Variants in PTP4A1 observed in about 807,000 individuals in gnomAD.
PTP4A1 encodes the protein protein tyrosine phosphatase 4A1.
In PTP4A1, 9 loss-of-function variants were observed where a neutral mutation model predicts 20.5. The ratio of observed to expected loss-of-function variants is 0.44; its 90% CI spans 0.26 to 0.77. The LOEUF is 0.77. Among genes scored for constraint, PTP4A1 ranks in the 30% least tolerant of loss-of-function variants. The pLI is 0.19. For synonymous variants in PTP4A1, 78 were observed against 67.4 expected (o/e 1.16, Z -0.77); for missense variants, 137 against 218.8 (o/e 0.63, Z 2.36).
At chr6:63,518,154 C>CAA (rs60368385), upstream of PTP4A1, among the ~76,000 whole-genome samples, 4,684 of 62,016 alleles carry the variant, frequency 0.076, 368 homozygotes, top group African/African-American at 0.22. Flanking sequence ...ACTCCGTCTC[C>CAA]AAAAAAAAAA....
upstream of PTP4A1, chr6:63,572,370 G>A (rs1362685892): frequency 6.4e-6 from 2 of 310,594 alleles, no homozygotes; most frequent in Non-Finnish European, 5.9e-6. Context: ...GAGGGGGCGG[G>A]CCTCCGCCCC....
At chr6:63,575,956 CAG>C (rs1777832842) in intron 1 of PTP4A1, among the ~76,000 whole-genome samples, 1 of 152,012 alleles carries the variant, frequency 6.6e-6, no homozygotes, top group South Asian at 2.1e-4. Flanking sequence ...CTAATAACTT[CAG>C]AGTTATCTGG....
upstream of PTP4A1, among the ~76,000 whole-genome samples, chr6:63,520,368 T>C (rs1354592294): frequency 6.6e-6 from 1 of 152,206 alleles, no homozygotes; most frequent in Non-Finnish European, 1.5e-5. Flanking sequence ...GGCTCATGCC[T>C]GTAATCCCAG....
upstream of PTP4A1, chr6:63,572,451 A>C: frequency 2.2e-5 from 8 of 357,828 alleles, no homozygotes; most frequent in Admixed American, 4.7e-5. Flanking sequence ...CGCGCCGGCT[A>C]TAAAGGGGAG....
chr6:63,537,278 T>C (rs1209754532), intron 2 of PTP4A1, among the ~76,000 whole-genome samples: 1 of 152,158 alleles, frequency 6.6e-6, no homozygotes, highest in Non-Finnish European at 1.5e-5. Flanking sequence ...ATGCAAATCA[T>C]CAGGCCCTAT....
At chr6:63,579,213 T>A (rs763135433) in intron 4 of PTP4A1, 44 bp from the exon 5 acceptor site, 3 of 1,547,876 alleles carry the variant, frequency 1.9e-6, no homozygotes, top group African/African-American at 1.4e-5. Context: ...TTTACAAAGA[T>A]CTGATTTTGA....
intron 2 of PTP4A1, among the ~76,000 whole-genome samples, chr6:63,539,260 A>ATTATATCTCTT (rs1775849722): frequency 6.6e-6 from 1 of 152,190 alleles, no homozygotes; most frequent in Non-Finnish European, 1.5e-5. Flanking sequence ...ATTACATAAC[A>ATTATATCTCTT]TGTAATATTA....
chr6:63,540,567 GC>G (rs770484890), intron 2 of PTP4A1, among the ~76,000 whole-genome samples: 1 of 152,032 alleles, frequency 6.6e-6, no homozygotes, highest in Non-Finnish European at 1.5e-5. Flanking sequence ...GTTGCAGTAA[GC>G]CAAGATTGCT....
chr6:63,552,354 G>A (rs1336102853), intron 3 of PTP4A1, among the ~76,000 whole-genome samples: 1 of 152,092 alleles, frequency 6.6e-6, no homozygotes, highest in African/African-American at 2.4e-5. Context: ...GTCTGTTCAT[G>A]TCCTTTACCC....
intron 2 of PTP4A1, among the ~76,000 whole-genome samples, chr6:63,539,631 A>G (rs1444680423): frequency 6.6e-6 from 1 of 152,034 alleles, no homozygotes; most frequent in Non-Finnish European, 1.5e-5. Flanking sequence ...AAAAAATATT[A>G]GCCAGGCTGT....
intron 2 of PTP4A1, among the ~76,000 whole-genome samples, chr6:63,535,005 A>G (rs1775657772): frequency 6.6e-6 from 1 of 152,094 alleles, no homozygotes; most frequent in South Asian, 2.1e-4. Context: ...GGTTGCAGTG[A>G]GCCAAGATCG....
chr6:63,538,295 C>T (rs905603969), intron 2 of PTP4A1, among the ~76,000 whole-genome samples: 2 of 152,116 alleles, frequency 1.3e-5, no homozygotes, highest in Non-Finnish European at 2.9e-5. Context: ...TCTCTAGCAA[C>T]AAGATTTCAA....
rs1369006675 is a variant in PTP4A1 at position 63,583,214 on chromosome 6, G to A, written c.*3040G>A. ...AGTGAATGATATTTTTCTTTTACATGTAAACAATGAAGTTATTTCAAAGTT... is the reference window on the plus strand; with the variant it reads ...AGTGAATGATATTTTTCTTTTACATATAAACAATGAAGTTATTTCAAAGTT... On this transcript the variant is annotated 3_prime_UTR_variant, in exon 6 of 6. Coordinates refer to ENST00000626021, the MANE Select transcript of PTP4A1 (RefSeq NM_003463.5). 6.6e-6 allele frequency: 1 copy of A among 152,146 alleles called. No individual in the cohort carries two copies. Among genetic ancestry groups the A allele is most frequent in the Non-Finnish European group, 1.5e-5 (1 of 68,030 alleles). The allele number at this position is 152,146 out of a possible 1,614,324, so 9.4% of individuals were successfully genotyped here.
chr6:63,535,973 G>A (rs1370834466), intron 2 of PTP4A1, among the ~76,000 whole-genome samples: 2 of 152,026 alleles, frequency 1.3e-5, no homozygotes, highest in Non-Finnish European at 2.9e-5. Flanking sequence ...GTGTTTCACT[G>A]TGTTGGCCAG....
chr6:63,544,566 T>C lies in PTP4A1; in HGVS notation c.-639-5734T>C, dbSNP rs534251102. On this transcript the variant is annotated intron_variant, in intron 2 of 3. Coordinates refer to the PTP4A1 transcript ENST00000639568. ...CATCCTTTATAGTAAAATAAAAACC[T>C]GGGTCACAGACTGGCTAGAGTGGTC... Among the ~76,000 whole-genome samples, 24 of 152,266 alleles carry C rather than the reference T, an allele frequency of 1.6e-4. 1 individual carries two copies. The South Asian group carries it at 2.1e-3, about 13-fold the overall frequency.
chr6:63,546,048 G>T (rs901743183), intron 2 of PTP4A1, among the ~76,000 whole-genome samples: 1 of 150,350 alleles, frequency 6.7e-6, no homozygotes, highest in African/African-American at 2.5e-5. Context: ...TATGAAATCA[G>T]TATGTTGAAG....
chr6:63,565,725 A>C (rs1777165003), intron 3 of PTP4A1, among the ~76,000 whole-genome samples: 1 of 152,192 alleles, frequency 6.6e-6, no homozygotes, highest in Non-Finnish European at 1.5e-5. Flanking sequence ...TTATTTGCTC[A>C]TTGGAAATTT....
chr6:63,572,803 C>G (rs911217466), intron 1 of PTP4A1, 84 bp downstream of exon 1: 13 of 397,228 alleles, frequency 3.3e-5, no homozygotes, highest in Non-Finnish European at 4.0e-5. Context: ...GTTCGGAGCC[C>G]GGCGTCTCCT....
intron 2 of PTP4A1, among the ~76,000 whole-genome samples, chr6:63,533,171 C>T (rs2149478827): frequency 6.6e-6 from 1 of 152,300 alleles, no homozygotes; most frequent in South Asian, 2.1e-4. Context: ...CACTTGAGGT[C>T]ACGAGTTCAA....
Sources: gnomAD v4.1 joint callset for allele counts (sites outside exome capture counted in the v4.1 genomes callset) on GRCh38, gnomAD v4.1.1 for gene constraint, MANE v1.5 for transcripts, NCBI Gene and HGNC (gene_info 2026-07-23, HGNC 2026-07-21) for gene names.